The following CDH12 variants were observed in gnomAD, a reference collection of about 807,000 sequenced individuals.
CDH12 encodes the protein cadherin 12.
A neutral mutation model predicts 74.1 loss-of-function variants in CDH12; 41 were observed. That is an observed-to-expected ratio of 0.55 (90% confidence interval 0.43 to 0.72). The LOEUF is 0.72. CDH12 is among the 30% of genes least tolerant of loss of function. CDH12 has a pLI of 0.00. For missense variants in CDH12, 945 were observed against 977.2 expected (o/e 0.97, Z 0.44); for synonymous variants, 399 against 355.0 (o/e 1.12, Z -1.39).
At chr5:22,790,718 C>G (rs1283003444) in intron 1 of CDH12, among the ~76,000 whole-genome samples, 1 of 152,006 alleles carries the variant, frequency 6.6e-6, no homozygotes, top group Non-Finnish European at 1.5e-5. Flanking sequence ...CAAATGTACC[C>G]AAACATATTT....
chr5:22,466,659 A>G (rs1201200167), intron 2 of CDH12, among the ~76,000 whole-genome samples: 2 of 151,964 alleles, frequency 1.3e-5, no homozygotes, highest in East Asian at 3.9e-4. Flanking sequence ...AAATCCCTCA[A>G]CTATGTATGT....
At chr5:21,832,857 T>G (rs1428625976) in intron 8 of CDH12, among the ~76,000 whole-genome samples, 1 of 29,762 alleles carries the variant, frequency 3.4e-5, no homozygotes, top group Non-Finnish European at 5.8e-5. Flanking sequence ...TGATATATGA[T>G]ATATATCATA....
intron 3 of CDH12, among the ~76,000 whole-genome samples, chr5:22,379,060 C>T (rs1741653020): frequency 6.6e-6 from 1 of 152,042 alleles, no homozygotes; most frequent in Non-Finnish European, 1.5e-5. Context: ...TATATAGTAA[C>T]TGAGAAACAC....
chr5:22,350,552 A>T (rs1282489401), intron 3 of CDH12, among the ~76,000 whole-genome samples: 1 of 152,168 alleles, frequency 6.6e-6, no homozygotes, highest in Non-Finnish European at 1.5e-5. Flanking sequence ...AAGTATCTCC[A>T]TAGGGTTTGT....
chr5:22,164,415 G>A lies in CDH12; in HGVS notation c.-187+48083C>T, dbSNP rs184666766. Among the ~76,000 whole-genome samples, 1,423 of 152,280 alleles carry A rather than the reference G, an allele frequency of 9.3e-3. 12 individuals are homozygous for A. The highest frequency in any genetic ancestry group is 0.025 in the African/African-American group (1,054 of 41,556). Reference sequence around the variant, plus strand: ...GATGGGGAGCGACAGTGGGCGCCTCGCTGAATCAGGAGCACAGCAGGCACC... The same window carrying A: ...GATGGGGAGCGACAGTGGGCGCCTCACTGAATCAGGAGCACAGCAGGCACC... On this transcript the variant is annotated intron_variant, in intron 4 of 14. Transcript: ENST00000382254.
chr5:22,337,235 A>G (rs568082655), intron 3 of CDH12, among the ~76,000 whole-genome samples: 29 of 152,316 alleles, frequency 1.9e-4, no homozygotes, highest in African/African-American at 6.3e-4. Flanking sequence ...TTACAGGCTC[A>G]TAGGCAGAAG....
chr5:22,831,721 C>T (rs1736622815), intron 1 of CDH12, among the ~76,000 whole-genome samples: 1 of 151,772 alleles, frequency 6.6e-6, no homozygotes, highest in Non-Finnish European at 1.5e-5. Flanking sequence ...ATGGTGAAAC[C>T]CCGTCTCGAC....
chr5:21,800,597 C>A (rs1478114225), intron 10 of CDH12, among the ~76,000 whole-genome samples: 1 of 152,194 alleles, frequency 6.6e-6, no homozygotes, highest in Non-Finnish European at 1.5e-5. Flanking sequence ...GACGCTGGAT[C>A]TGCTGGTCGC....
intron 1 of CDH12, among the ~76,000 whole-genome samples, chr5:22,640,066 G>C (rs1739066548): frequency 6.6e-6 from 1 of 152,094 alleles, no homozygotes. Flanking sequence ...AATAAAGAAA[G>C]TGGTAACAAA....
At chr5:22,069,130 C>G (rs888928584) in intron 5 of CDH12, among the ~76,000 whole-genome samples, 1 of 152,182 alleles carries the variant, frequency 6.6e-6, no homozygotes, top group African/African-American at 2.4e-5. Context: ...CTATAGAATG[C>G]CTTATCTACC....
intron 4 of CDH12, among the ~76,000 whole-genome samples, chr5:22,082,105 G>A (rs1308978274): frequency 6.6e-6 from 1 of 152,142 alleles, no homozygotes; most frequent in Non-Finnish European, 1.5e-5. Flanking sequence ...TCTTAACTAA[G>A]CCCATATCAT....
intron 3 of CDH12, among the ~76,000 whole-genome samples, chr5:22,218,844 G>A (rs1580416770): frequency 6.6e-6 from 1 of 151,630 alleles, no homozygotes; most frequent in East Asian, 1.9e-4. Context: ...CAATCTATAT[G>A]CCTTTAATTC....
intron 1 of CDH12, among the ~76,000 whole-genome samples, chr5:22,581,727 A>G (rs1001113467): frequency 2.6e-5 from 4 of 152,176 alleles, no homozygotes; most frequent in African/African-American, 7.2e-5. Context: ...ACACTCAATG[A>G]CAGCCCGTGA....
chr5:22,685,591 A>C (rs1465135630), intron 1 of CDH12, among the ~76,000 whole-genome samples: 2 of 152,070 alleles, frequency 1.3e-5, no homozygotes, highest in Non-Finnish European at 2.9e-5. Flanking sequence ...GCAACCATTA[A>C]TTTGTTTTCT....
At chr5:22,260,646 T>C (rs1235788299) in intron 3 of CDH12, among the ~76,000 whole-genome samples, 1 of 151,996 alleles carries the variant, frequency 6.6e-6, no homozygotes, top group Non-Finnish European at 1.5e-5. Context: ...ACAGAGTTAG[T>C]TTTAAATTTT....
chr5:22,450,725 G>C (rs1257418763), intron 2 of CDH12, among the ~76,000 whole-genome samples: 1 of 151,662 alleles, frequency 6.6e-6, no homozygotes, highest in Non-Finnish European at 1.5e-5. Context: ...ATTATCTAAT[G>C]GTTTTTATCC....
chr5:22,369,712 A>T (rs1241005937), intron 3 of CDH12, among the ~76,000 whole-genome samples: 1 of 152,184 alleles, frequency 6.6e-6, no homozygotes, highest in East Asian at 1.9e-4. Context: ...AACACACAAA[A>T]TCTCAAGCAA....
At chr5:22,105,591 G>A (rs147595396) in intron 4 of CDH12, among the ~76,000 whole-genome samples, 1,706 of 151,566 alleles carry the variant, frequency 0.011, 27 homozygotes, top group African/African-American at 0.039. Flanking sequence ...TCAGCTACTC[G>A]GGAGGCTGAG....
chr5:22,164,522 C>T lies in CDH12; in HGVS notation c.-187+47976G>A, dbSNP rs369892168. Among the ~76,000 whole-genome samples the T allele has an allele frequency of 9.8e-4, 149 of 152,244 alleles. 2 individuals carry two copies. The South Asian group carries it at 0.03, about 31-fold the overall frequency. Reference sequence around the variant, plus strand: ...CAGTGGTGGACAGCGAGTGAAAGCTCAGCTCAAGCCGTAATAAACACGGAC... The same window carrying T: ...CAGTGGTGGACAGCGAGTGAAAGCTTAGCTCAAGCCGTAATAAACACGGAC... On this transcript the variant is annotated intron_variant, in intron 4 of 14. Transcript: ENST00000382254.
Sources: allele counts gnomAD v4.1 joint callset (sites outside exome capture counted in the v4.1 genomes callset), GRCh38; gene constraint gnomAD v4.1.1; transcripts MANE v1.5; gene names NCBI Gene and HGNC (gene_info 2026-07-23, HGNC 2026-07-21).